The following CRTC3 variants were observed in gnomAD, a reference collection of about 807,000 sequenced individuals.
CRTC3 encodes CREB-regulated transcription coactivator 3.
Under a neutral mutation model 74.5 loss-of-function variants are expected in CRTC3, and 26 were observed. The observed-to-expected ratio is 0.35, with a 90% CI of 0.26 to 0.48. The LOEUF is 0.48. Among genes scored for constraint, CRTC3 ranks in the 20% least tolerant of loss-of-function variants. The pLI, the probability that CRTC3 is intolerant of heterozygous loss-of-function variation, is 0.99. For synonymous variants in CRTC3, 377 were observed against 325.8 expected (o/e 1.16, Z -1.69); for missense variants, 760 against 787.3 (o/e 0.97, Z 0.41).
chr15:90,564,935 TTCCTTCCTTCCTTCCTTCCTTC>T (rs1967090078), intron 2 of CRTC3, among the ~76,000 whole-genome samples: 6 of 35,090 alleles, frequency 1.7e-4, no homozygotes, highest in African/African-American at 3.6e-4. Context: ...CCTTCCTTCC[TTCCTTCCTTCCTTCCTTCCTTC>T]CTTTCATGGA....
intron 3 of CRTC3, 64 bp from the exon 4 acceptor site, chr15:90,602,260 C>G: frequency 1.0e-6 from 1 of 969,336 alleles, no homozygotes; most frequent in Non-Finnish European, 1.6e-6. Context: ...CTCTGTGAGT[C>G]CACCTTGTTA....
At chr15:90,547,987 C>T (rs1966847484) in intron 2 of CRTC3, among the ~76,000 whole-genome samples, 1 of 149,266 alleles carries the variant, frequency 6.7e-6, no homozygotes. Context: ...CTCCTGGGCT[C>T]AAGGGATCCT....
At chr15:90,635,588 T>C (rs1254839558) in intron 11 of CRTC3, among the ~76,000 whole-genome samples, 2 of 152,166 alleles carry the variant, frequency 1.3e-5, no homozygotes, top group Admixed American at 1.3e-4. Flanking sequence ...GAGGTTGCAG[T>C]GAGCCAAGGT....
intron 3 of CRTC3, among the ~76,000 whole-genome samples, chr15:90,599,824 A>C (rs1436174349): frequency 1.3e-5 from 2 of 152,242 alleles, no homozygotes; most frequent in East Asian, 1.9e-4. Context: ...GAGATCAGAG[A>C]TACTGAGTTT....
rs1312597306 is a variant in CRTC3 at position 90,644,602 on chromosome 15, C to T, written c.*2462C>T. 4 of 232,184 alleles carry T rather than the reference C, an allele frequency of 1.7e-5. No individual in the cohort carries two copies. The highest frequency in any genetic ancestry group is 3.4e-5 in the Non-Finnish European group (4 of 117,482). The allele number at this position is 232,184 out of a possible 1,614,324, so 14.4% of individuals were successfully genotyped here. On this transcript the variant is annotated 3_prime_UTR_variant, in exon 15 of 15. Coordinates refer to ENST00000268184, the MANE Select transcript of CRTC3 (RefSeq NM_022769.5). ...GTACACTGGGGGCAATATGGTTTAGCACTGAATTCAATTTGTCCTTAGGTC... is the reference window on the plus strand; with the variant it reads ...GTACACTGGGGGCAATATGGTTTAGTACTGAATTCAATTTGTCCTTAGGTC...
intron 3 of CRTC3, chr15:90,594,341 A>T (rs2151078225): frequency 6.6e-6 from 1 of 152,398 alleles, no homozygotes; most frequent in African/African-American, 2.4e-5. Flanking sequence ...TTCACCTGAC[A>T]GTTTCATTTA....
intron 2 of CRTC3, among the ~76,000 whole-genome samples, chr15:90,552,537 G>C (rs1966862088): frequency 2.1e-5 from 2 of 95,596 alleles, no homozygotes; most frequent in African/African-American, 5.9e-5. Flanking sequence ...TGGAAACTCT[G>C]CTTCCTTTCG....
chr15:90,580,182 A>G (rs1967503836), intron 2 of CRTC3, among the ~76,000 whole-genome samples: 1 of 152,114 alleles, frequency 6.6e-6, no homozygotes, highest in Non-Finnish European at 1.5e-5. Context: ...AATGAACTAT[A>G]TATGTTATTC....
At chr15:90,615,492 C>T (rs1470653754) in intron 7 of CRTC3, among the ~76,000 whole-genome samples, 1 of 152,232 alleles carries the variant, frequency 6.6e-6, no homozygotes, top group African/African-American at 2.4e-5. Flanking sequence ...CTGTCATCAT[C>T]CTGCAGCTCC....
chr15:90,582,998 G>A (rs1265975423), intron 2 of CRTC3, among the ~76,000 whole-genome samples: 2 of 152,014 alleles, frequency 1.3e-5, no homozygotes, highest in Admixed American at 6.6e-5. Context: ...ATGCATTGTC[G>A]TTATTTCTTC....
chr15:90,605,761 C>T (rs972602592), intron 5 of CRTC3, among the ~76,000 whole-genome samples: 6 of 152,158 alleles, frequency 3.9e-5, no homozygotes, highest in Non-Finnish European at 4.4e-5. Flanking sequence ...GAATGAACCA[C>T]AAAGAAGCAC....
chr15:90,561,786 T>C (rs1967016097), intron 2 of CRTC3, among the ~76,000 whole-genome samples: 1 of 152,226 alleles, frequency 6.6e-6, no homozygotes, highest in African/African-American at 2.4e-5. Context: ...TCCAATTCCC[T>C]ACAAAATTTC....
chr15:90,603,424 CAG>C (rs1280994566), intron 4 of CRTC3, among the ~76,000 whole-genome samples: 2 of 151,706 alleles, frequency 1.3e-5, no homozygotes, highest in African/African-American at 2.4e-5. Context: ...GCCTGGGTGA[CAG>C]AGCGAGACTC....
chr15:90,559,950 T>C (rs191681479), intron 2 of CRTC3, among the ~76,000 whole-genome samples: 28 of 152,362 alleles, frequency 1.8e-4, no homozygotes, highest in Non-Finnish European at 2.6e-4. Context: ...GCCTTTTTCA[T>C]GTATTTACCG....
chr15:90,570,130 A>G (rs1769736947), intron 2 of CRTC3, among the ~76,000 whole-genome samples: 1 of 152,228 alleles, frequency 6.6e-6, no homozygotes, highest in African/African-American at 2.4e-5. Context: ...CACAGTTGCT[A>G]GGACATAACT....
At chr15:90,577,973 G>A (rs981587868) in intron 2 of CRTC3, among the ~76,000 whole-genome samples, 1 of 152,140 alleles carries the variant, frequency 6.6e-6, no homozygotes. Context: ...GCAGTGGCAC[G>A]ATCTGGGCTC....
chr15:90,545,369 A>T, intron 2 of CRTC3, among the ~76,000 whole-genome samples: 1 of 150,412 alleles, frequency 6.6e-6, no homozygotes, highest in African/African-American at 2.4e-5. Context: ...CAGAAGTAGG[A>T]TTGCTGAATC....
intron 1 of CRTC3, among the ~76,000 whole-genome samples, chr15:90,534,264 C>T (rs1383091860): frequency 6.6e-6 from 1 of 152,122 alleles, no homozygotes; most frequent in African/African-American, 2.4e-5. Context: ...GGAACCATTT[C>T]AGGGTGTTCT....
chr15:90,627,163 G>A (rs1392787922), intron 10 of CRTC3, among the ~76,000 whole-genome samples: 2 of 152,214 alleles, frequency 1.3e-5, no homozygotes, highest in Non-Finnish European at 2.9e-5. Context: ...TTTTTCTAAT[G>A]ATTGCAGTGA....
Sources: gnomAD v4.1 joint callset for allele counts (sites outside exome capture counted in the v4.1 genomes callset) on GRCh38, gnomAD v4.1.1 for gene constraint, MANE v1.5 for transcripts, NCBI Gene and HGNC (gene_info 2026-07-23, HGNC 2026-07-21) for gene names.